The following CSMD2 variants were observed in gnomAD, a reference collection of about 807,000 sequenced individuals.
CSMD2 encodes CUB and Sushi multiple domains 2.
CSMD2 carries 130 observed loss-of-function variants against 398.5 expected under a neutral mutation model. The observed-to-expected ratio is 0.33, with a 90% CI of 0.28 to 0.38. The LOEUF (loss-of-function observed/expected upper bound fraction) is 0.38. Among genes scored for constraint, CSMD2 ranks in the 10% least tolerant of loss-of-function variants. CSMD2 has a pLI of 1.00. For missense variants in CSMD2, 3,829 were observed against 4,764.9 expected (o/e 0.80, Z 5.78); for synonymous variants, 1,828 against 1,908.5 (o/e 0.96, Z 1.10).
chr1:33,969,624 T>G (rs982664050), intron 3 of CSMD2, among the ~76,000 whole-genome samples: 1 of 152,180 alleles, frequency 6.6e-6, no homozygotes, highest in Non-Finnish European at 1.5e-5. Context: ...GTTTTGAGAG[T>G]TAAGTGACTT....
At chr1:33,709,320 C>T (rs767428794) in intron 21 of CSMD2, 62 bp from the exon 22 acceptor site, 11 of 1,450,808 alleles carry the variant, frequency 7.6e-6, no homozygotes, top group Admixed American at 2.0e-5. Flanking sequence ...GAAAGCAACT[C>T]ACAGCTCTGA....
intron 32 of CSMD2, 52 bp from the exon 33 acceptor site, chr1:33,626,633 C>A: frequency 7.2e-7 from 1 of 1,390,240 alleles, no homozygotes; most frequent in Non-Finnish European, 9.8e-7. Context: ...GCAGGTGGGC[C>A]CAGAAGATAA....
At chr1:33,786,834 C>T (rs1653595920) in intron 12 of CSMD2, among the ~76,000 whole-genome samples, 1 of 152,188 alleles carries the variant, frequency 6.6e-6, no homozygotes, top group African/African-American at 2.4e-5. Flanking sequence ...ATCTTTACCC[C>T]AGGAGACATC....
In CSMD2 at chr1:33,533,775, G is replaced by T; in HGVS notation, c.9991+21C>A. The stretch of plus-strand genomic sequence containing the variant: ...GGGGCAAGAGGAATTTTCTTGGGAT[G>T]TGGGTGAAGTCTGCACTCACGGACA... On this transcript the variant is annotated intron_variant, in intron 63 of 70. Transcript: ENST00000373381. The surrounding 1 kb of genome is among the most constrained non-coding windows in gnomAD (Gnocchi z 4.2). 1 of 1,508,182 alleles carries T rather than the reference G, an allele frequency of 6.6e-7. No individual in the cohort carries two copies. Among genetic ancestry groups the T allele is most frequent in the Non-Finnish European group, 9.2e-7 (1 of 1,083,978 alleles). 93.4% of individuals were successfully genotyped at this position (1,508,182 alleles called of 1,614,324 possible).
chr1:33,572,412 T>G, intron 50 of CSMD2, 94 bp downstream of exon 50: 1 of 1,070,202 alleles, frequency 9.3e-7, no homozygotes, highest in Non-Finnish European at 1.3e-6. Flanking sequence ...TTTTTCCCCC[T>G]CATTACTTTG....
chr1:33,842,250 G>A (rs1469354742), intron 6 of CSMD2, among the ~76,000 whole-genome samples: 1 of 152,118 alleles, frequency 6.6e-6, no homozygotes, highest in African/African-American at 2.4e-5. Flanking sequence ...AATACATTTG[G>A]TCTGTCCCTT....
At chr1:33,818,231 G>C (rs1657696199) in intron 9 of CSMD2, among the ~76,000 whole-genome samples, 1 of 152,212 alleles carries the variant, frequency 6.6e-6, no homozygotes, top group Non-Finnish European at 1.5e-5. Flanking sequence ...TCTCTGCACA[G>C]CTGGTGTCTG....
At chr1:33,828,184 T>A (rs749618661) in intron 6 of CSMD2, among the ~76,000 whole-genome samples, 2 of 152,240 alleles carry the variant, frequency 1.3e-5, no homozygotes. Flanking sequence ...TCCATGTGTA[T>A]CCAGCAGGAA....
rs779594180 is a variant in CSMD2 at position 33,624,633 on chromosome 1, T to C, written c.5511A>G (p.Gly1837=). 1 of 1,613,348 alleles carries C rather than the reference T, an allele frequency of 6.2e-7. No homozygotes were observed. Among genetic ancestry groups the C allele is most frequent in the Admixed American group, 1.7e-5 (1 of 60,002 alleles). Reference sequence around the variant, plus strand: ...TGCCCCTGCGCTCTGTGAGGTTGCCTCCACACGGCACTGGGAGGAGAGGCC... The same window carrying C: ...TGCCCCTGCGCTCTGTGAGGTTGCCCCCACACGGCACTGGGAGGAGAGGCC... ...VSAPTCVVPC[G]GNLTERRGTI... The change falls in exon 35 of 71, where the codon GGA becomes GGG. Residue 1837 remains glycine, a synonymous_variant. Coordinates refer to ENST00000373381, the MANE Select transcript of CSMD2 (RefSeq NM_001281956.2). The surrounding 1 kb of genome is among the most constrained non-coding windows in gnomAD (Gnocchi z 4.7).
At chr1:33,667,546 C>T (rs1203166493) in intron 25 of CSMD2, among the ~76,000 whole-genome samples, 1 of 152,134 alleles carries the variant, frequency 6.6e-6, no homozygotes, top group Non-Finnish European at 1.5e-5. Context: ...ACAATGCTGC[C>T]CACATCTCTG....
At position 33,569,802 on chromosome 1, in the gene CSMD2, C is replaced by A. The variant is rs115192668; in HGVS notation, c.7958-255G>T. ...TGACTCACCAGCTTTGCAGATAGCG[C>A]CCTGGCCTGTGTATTTTTTTAATCC... On this transcript the variant is annotated intron_variant, in intron 51 of 70. Coordinates refer to ENST00000373381, the MANE Select transcript of CSMD2 (RefSeq NM_001281956.2). 8.2e-3 allele frequency among the ~76,000 whole-genome samples: 1,252 copies of A among 152,200 alleles called. 13 individuals are homozygous for A. Among genetic ancestry groups the A allele is most frequent in the African/African-American group, 0.028 (1,174 of 41,516 alleles).
intron 5 of CSMD2, among the ~76,000 whole-genome samples, chr1:33,876,798 T>G (rs6425854): frequency 0.15 from 23,391 of 152,154 alleles, 2,601 homozygotes; most frequent in African/African-American, 0.31. Context: ...GATGGTGATT[T>G]AATGCCCTGG....
intron 3 of CSMD2, among the ~76,000 whole-genome samples, chr1:33,964,295 C>T (rs929792661): frequency 2.6e-5 from 4 of 152,186 alleles, no homozygotes; most frequent in South Asian, 2.1e-4. Context: ...ATAACAGTGC[C>T]TGCCTCACAG....
At chr1:33,728,289 G>A (rs961445769) in intron 15 of CSMD2, among the ~76,000 whole-genome samples, 7 of 151,778 alleles carry the variant, frequency 4.6e-5, no homozygotes, top group African/African-American at 1.7e-4. Context: ...TAGATTTCTC[G>A]AGGTAATCAG....
Position 33,577,345 on chromosome 1 carries a change from C to A in CSMD2, c.7527G>T (p.Arg2509=). ...LVGHSMAICT[R]HPQGYHLWSE... is the part of the protein sequence containing the mutation. ...TCCACAGGTGGTAGCCCTGGGGGTG[C>A]CGGGTACAGATGGCCATGCTGTGTC... is the stretch of plus-strand genomic sequence containing the variant. Residue 2509 remains arginine, a synonymous_variant, in exon 49 of 71, where the codon CGG becomes CGT. Coordinates refer to ENST00000373381, the MANE Select transcript of CSMD2 (RefSeq NM_001281956.2). The A allele has an allele frequency of 6.2e-7, 1 of 1,613,904 alleles. No individual in the cohort carries two copies. Among genetic ancestry groups the A allele is most frequent in the Non-Finnish European group, 8.5e-7 (1 of 1,179,924 alleles).
At chr1:33,692,390 C>T (rs1265908337) in intron 25 of CSMD2, among the ~76,000 whole-genome samples, 1 of 152,170 alleles carries the variant, frequency 6.6e-6, no homozygotes, top group Non-Finnish European at 1.5e-5. Flanking sequence ...GATGAGGAAA[C>T]AGCCTAAAAA....
At chr1:34,004,478 TTTG>T (rs1646999470) in intron 3 of CSMD2, among the ~76,000 whole-genome samples, 1 of 152,190 alleles carries the variant, frequency 6.6e-6, no homozygotes, top group African/African-American at 2.4e-5. Flanking sequence ...TTTGTTTGTT[TTTG>T]TTTTTTGCCA....
At chr1:33,791,842 G>C (rs1654356500) in intron 11 of CSMD2, among the ~76,000 whole-genome samples, 1 of 152,146 alleles carries the variant, frequency 6.6e-6, no homozygotes. Context: ...GAAGCTAAAT[G>C]GTCCCCAAGA....
chr1:33,808,779 AT>A (rs981793622), intron 10 of CSMD2, among the ~76,000 whole-genome samples: 2 of 152,024 alleles, frequency 1.3e-5, no homozygotes, highest in African/African-American at 4.8e-5. Flanking sequence ...ATTAAAAGGA[AT>A]AGTAAGAAAA....
Sources: gnomAD v4.1 joint callset for allele counts (sites outside exome capture counted in the v4.1 genomes callset) on GRCh38, gnomAD v4.1.1 for gene constraint, Gnocchi (gnomAD v3.1) non-coding constraint, MANE v1.5 for transcripts, NCBI Gene and HGNC (gene_info 2026-07-23, HGNC 2026-07-21) for gene names.